Variants in C2orf42 observed in about 807,000 individuals in gnomAD.
C2orf42 encodes chromosome 2 open reading frame 42.
C2orf42 carries 44 observed loss-of-function variants against 58.9 expected under a neutral mutation model. That is an observed-to-expected ratio of 0.75 (90% CI 0.59 to 0.96). The LOEUF (loss-of-function observed/expected upper bound fraction) is 0.96. Ranked by LOEUF, C2orf42 falls within the 40% of genes least tolerant of loss-of-function variation. The pLI, the probability that C2orf42 is intolerant of heterozygous loss-of-function variation, is 0.00. For synonymous variants in C2orf42, 239 were observed against 265.4 expected (o/e 0.90, Z 0.97); for missense variants, 630 against 699.2 (o/e 0.90, Z 1.12).
chr2:70,150,236 T>C lies in C2orf42; in HGVS notation c.*120A>G. The C allele has an allele frequency of 1.3e-6, 1 of 775,640 alleles. No homozygotes were observed. Among genetic ancestry groups the C allele is most frequent in the Non-Finnish European group, 2.1e-6 (1 of 469,772 alleles). The allele number at this position is 775,640 out of a possible 1,614,324, so 48.0% of individuals were successfully genotyped here. A position where few individuals can be genotyped will look rare whatever the true frequency, so the allele number is the denominator to read the frequency against. ...CACTTGAAAGCACTGAGAATTTGCA[T>C]CTTAGCTAAGAGCAGTTTACCAAGG... is the stretch of plus-strand genomic sequence containing the variant. On this transcript the variant is annotated 3_prime_UTR_variant, in exon 10 of 10. Transcript: ENST00000264434.
At position 70,182,771 on chromosome 2, in the gene C2orf42, G is replaced by A. The variant is rs1481567032; in HGVS notation, c.-117C>T. ...TGATCAGGTGAAAACACGATCATTT[G>A]CAGACTAATGATAACTGCTTAACCC... is the stretch of plus-strand genomic sequence containing the variant. On this transcript the variant is annotated 5_prime_UTR_variant, in exon 2 of 10. Transcript: ENST00000264434. 6.6e-6 allele frequency: 1 copy of A among 152,160 alleles called. No individual in the cohort carries two copies. Among genetic ancestry groups the A allele is most frequent in the East Asian group, 1.9e-4 (1 of 5,196 alleles). The allele number at this position is 152,160 out of a possible 1,614,324, so 9.4% of individuals were successfully genotyped here. A position where few individuals can be genotyped will look rare whatever the true frequency, so the allele number is the denominator to read the frequency against.
chr2:70,160,970 T>C (rs1368204327), intron 8 of C2orf42, among the ~76,000 whole-genome samples, 183 bp from the exon 9 acceptor site: 1 of 152,164 alleles, frequency 6.6e-6, no homozygotes, highest in Non-Finnish European at 1.5e-5. Context: ...CCTTACATCA[T>C]TCATGGCTTT....
chr2:70,165,661 C>A, intron 6 of C2orf42, 26 bp from the exon 7 acceptor site: 1 of 1,292,726 alleles, frequency 7.7e-7, no homozygotes, highest in South Asian at 1.2e-5. Flanking sequence ...AGAAACAACT[C>A]ATTTAAAGAA....
At chr2:70,160,058 G>C (rs1049755490) in intron 9 of C2orf42, among the ~76,000 whole-genome samples, 1 of 151,718 alleles carries the variant, frequency 6.6e-6, no homozygotes, top group Non-Finnish European at 1.5e-5. Context: ...AAGAAACAAA[G>C]GGAGGCCACC....
rs1558646169 is a variant in C2orf42, at chr2:70,150,412, G to GCCC, written c.1668_1669insGGG (p.Arg556_Pro557insGly). ...AGTTCCAAGGGCTGGTCCAAGGGGG[G>GCCC]CCGCTGGTCTTGGTACTCCGCCACA... On this transcript the variant is annotated inframe_insertion, in exon 10 of 10. Coordinates refer to ENST00000264434, the MANE Select transcript of C2orf42 (RefSeq NM_017880.3). The GCCC allele has an allele frequency of 6.2e-7, 1 of 1,614,138 alleles. No individual in the cohort carries two copies. Among genetic ancestry groups the GCCC allele is most frequent in the East Asian group, 2.2e-5 (1 of 44,878 alleles).
At chr2:70,156,428 T>C (rs534586959) in intron 9 of C2orf42, among the ~76,000 whole-genome samples, 1 of 151,778 alleles carries the variant, frequency 6.6e-6, no homozygotes, top group African/African-American at 2.4e-5. Flanking sequence ...AAGGCTGTAG[T>C]GCACTATGAT....
chr2:70,180,858 C>T (rs1322255053), intron 3 of C2orf42, among the ~76,000 whole-genome samples: 1 of 151,138 alleles, frequency 6.6e-6, no homozygotes, highest in African/African-American at 2.4e-5. Flanking sequence ...AAAAATTAGC[C>T]AGGCATGGTG....
intron 6 of C2orf42, among the ~76,000 whole-genome samples, chr2:70,166,591 G>A (rs576645296): frequency 6.6e-6 from 1 of 150,384 alleles, no homozygotes; most frequent in East Asian, 2.0e-4. Context: ...CAGGAGAATC[G>A]CTTGAACCCA....
chr2:70,175,573 C>A, intron 5 of C2orf42, 100 bp downstream of exon 5: 1 of 781,156 alleles, frequency 1.3e-6, no homozygotes, highest in Non-Finnish European at 2.3e-6. Context: ...AGTATTTATG[C>A]TGGGACTCTT....
At chr2:70,184,792 T>C (rs1674817389) in intron 1 of C2orf42, among the ~76,000 whole-genome samples, 1 of 151,770 alleles carries the variant, frequency 6.6e-6, no homozygotes, top group African/African-American at 2.4e-5. Context: ...TCTCTATTCT[T>C]CTTAAAAAAT....
Position 70,181,920 on chromosome 2 carries a change from C to G in C2orf42, c.66G>C (p.Leu22Phe). The change falls in exon 3 of 10, where the codon TTG becomes TTC. Residue 22 changes from leucine (L) to phenylalanine (F), a missense_variant. Leu to Phe is a conservative substitution (Grantham distance 22). Coordinates refer to ENST00000264434, the MANE Select transcript of C2orf42 (RefSeq NM_017880.3). ...ATCGGGGACACTTTCTGATTCCCCT[C>G]AATGTGGCCTTCCCCAAATCAGATA... Reference protein sequence around the residue: ...AFLSDLGKATLRGIRKCPRCG... With the variant: ...AFLSDLGKATFRGIRKCPRCG... 2.5e-6 allele frequency: 4 copies of G among 1,614,034 alleles called. No individual in the cohort carries two copies. The highest frequency in any genetic ancestry group is 3.4e-6 in the Non-Finnish European group (4 of 1,179,930).
chr2:70,188,372 T>C (rs1245828131), intron 1 of C2orf42, among the ~76,000 whole-genome samples: 3 of 151,976 alleles, frequency 2.0e-5, no homozygotes, highest in Non-Finnish European at 2.9e-5. Flanking sequence ...GTATTTTTAG[T>C]TGAGACGGGG....
At chr2:70,182,071 A>C (rs1323678850) in intron 2 of C2orf42, 74 bp from the exon 3 acceptor site, 5 of 696,972 alleles carry the variant, frequency 7.2e-6, no homozygotes, top group Non-Finnish European at 1.2e-5. Context: ...TATGATATTT[A>C]GTACAGAAGG....
intron 5 of C2orf42, among the ~76,000 whole-genome samples, chr2:70,173,267 C>CTTTTTTT (rs202063318): frequency 3.4e-4 from 33 of 95,728 alleles, no homozygotes; most frequent in African/African-American, 7.5e-4. Flanking sequence ...TGCGTAAGTT[C>CTTTTTTT]TTTTTTTTTT....
At chr2:70,155,168 T>C (rs551733804) in intron 9 of C2orf42, among the ~76,000 whole-genome samples, 1 of 151,972 alleles carries the variant, frequency 6.6e-6, no homozygotes, top group Admixed American at 6.6e-5. Context: ...TGCTTGAACC[T>C]GGGAGGTGGA....
At position 70,181,841 on chromosome 2, in the gene C2orf42, T is replaced by C. The variant is rs1327749824; in HGVS notation, c.145A>G (p.Thr49Ala). The change falls in exon 3 of 10, where the codon ACC (threonine) becomes GCC (alanine). Residue 49 changes from threonine (T) to alanine (A), a missense_variant. By Grantham distance (58) the Thr-to-Ala change is moderately conservative (BLOSUM62 0). Transcript: ENST00000264434. ...TTGCGTGCACCGTAGCGGAATATGGTTCCACATGTCTTGTTCTTACAGCTC... is the reference window on the plus strand; with the variant it reads ...TTGCGTGCACCGTAGCGGAATATGGCTCCACATGTCTTGTTCTTACAGCTC... ...GLSCKNKTCG[T>A]IFRYGARKQP... The C allele has an allele frequency of 2.5e-6, 4 of 1,614,152 alleles. No individual in the cohort carries two copies. The highest frequency in any genetic ancestry group is 3.4e-6 in the Non-Finnish European group (4 of 1,180,014).
intron 6 of C2orf42, among the ~76,000 whole-genome samples, chr2:70,169,043 T>A (rs1001579968): frequency 2.0e-5 from 3 of 151,928 alleles, no homozygotes; most frequent in Non-Finnish European, 4.4e-5. Context: ...TATAACTATC[T>A]TAGTCTCATG....
In C2orf42 at chr2:70,175,691, A is replaced by G. The variant is rs1055065853; in HGVS notation, c.1021T>C (p.Ser341Pro). ...AACTTACCCTGCCTTTTTAACGAGG[A>G]AGCAACCACAGGCTTTTTCAGGCCA... ...KSGLKKPVVASSLKRQACGQL... is the reference protein window; with the variant it reads ...KSGLKKPVVAPSLKRQACGQL... The change falls in exon 5 of 10, where the codon TCC becomes CCC. Residue 341 changes from serine to proline, a missense_variant. Coordinates refer to ENST00000264434, the MANE Select transcript of C2orf42 (RefSeq NM_017880.3). The G allele has an allele frequency of 1.9e-6, 3 of 1,609,958 alleles. No individual in the cohort carries two copies. The highest frequency in any genetic ancestry group is 1.6e-4 in the Middle Eastern group (1 of 6,078).
Position 70,181,950 on chromosome 2 carries a change from A to G in C2orf42, c.36T>C (p.Ala12=), listed in dbSNP as rs896587353. Reference sequence around the variant, plus strand: ...TGGCCTTCCCCAAATCAGATAAGAAAGCTGGGACTTTAGTCCTCAGAGAAT... The same window carrying G: ...TGGCCTTCCCCAAATCAGATAAGAAGGCTGGGACTTTAGTCCTCAGAGAAT... ...EPNSLRTKVP[A]FLSDLGKATL... is the part of the protein sequence containing the mutation. Residue 12 remains alanine (A), a synonymous_variant, in exon 3 of 10, where the codon GCT becomes GCC. Transcript: ENST00000264434. 1 of 1,613,382 alleles carries G rather than the reference A, an allele frequency of 6.2e-7. No homozygotes were observed. The highest frequency in any genetic ancestry group is 8.5e-7 in the Non-Finnish European group (1 of 1,179,560).
Sources: allele counts gnomAD v4.1 joint callset (sites outside exome capture counted in the v4.1 genomes callset), GRCh38; gene constraint gnomAD v4.1.1; transcripts MANE v1.5; gene names NCBI Gene and HGNC (gene_info 2026-07-23, HGNC 2026-07-21).